Variants in SHPRH observed in about 807,000 individuals in gnomAD.
SHPRH encodes the protein SNF2 histone linker PHD RING helicase, also known as E3 ubiquitin-protein ligase SHPRH.
SHPRH carries 106 observed loss-of-function variants against 202.5 expected under a neutral mutation model. The ratio of observed to expected loss-of-function variants is 0.52; its 90% CI spans 0.45 to 0.62. SHPRH has a LOEUF of 0.62. SHPRH is among the 20% of genes least tolerant of loss of function. The probability of loss-of-function intolerance (pLI) is 0.00; values close to 1 mark genes in which losing one functional copy is unlikely to be tolerated. For synonymous variants in SHPRH, 729 were observed against 686.0 expected (o/e 1.06, Z -0.98); for missense variants, 1,710 against 2,020.0 (o/e 0.85, Z 2.94).
chr6:145,886,984 T>C (rs2243665), intron 29 of SHPRH, among the ~76,000 whole-genome samples, 197 bp from the exon 30 acceptor site: 3 of 151,988 alleles, frequency 2.0e-5, no homozygotes, highest in African/African-American at 7.2e-5. Context: ...TTACTTTTAG[T>C]GTTTGTCAAA....
intron 3 of SHPRH, among the ~76,000 whole-genome samples, chr6:145,950,743 A>G (rs1015786838): frequency 1.3e-5 from 2 of 151,962 alleles, no homozygotes; most frequent in African/African-American, 4.8e-5. Context: ...CTGTGGATAC[A>G]GTATTATTAC....
At chr6:145,920,716 A>C (rs1317836139) in intron 21 of SHPRH, among the ~76,000 whole-genome samples, 2 of 152,106 alleles carry the variant, frequency 1.3e-5, no homozygotes, top group Non-Finnish European at 2.9e-5. Context: ...TCATTAAAGT[A>C]CAAATATGAA....
At chr6:145,926,814 T>C (rs9497430) in intron 15 of SHPRH, among the ~76,000 whole-genome samples, 12,179 of 151,980 alleles carry the variant, frequency 0.08, 1,619 homozygotes, top group African/African-American at 0.27. Context: ...AAATTATCAT[T>C]AGATAGATTT....
chr6:145,941,717 T>C lies in SHPRH; in HGVS notation c.2396A>G (p.Lys799Arg). 6.2e-7 allele frequency: 1 copy of C among 1,614,040 alleles called. No homozygotes were observed. The highest frequency in any genetic ancestry group is 8.5e-7 in the Non-Finnish European group (1 of 1,179,968). ...GGGGCTCGGGATAGCCATATAGCGC[T>C]TCTGGTTCCGTAGGCGACGCCCATC... is the stretch of plus-strand genomic sequence containing the variant. ...SEDGRRLRNQ[K>R]RYMAIPSPLV... The change falls in exon 10 of 30, where the codon AAG (lysine) becomes AGG (arginine). Residue 799 changes from lysine to arginine, a missense_variant. This residue lies in a region of SHPRH where 277 missense variants were observed against 363.0 expected (regional missense o/e 0.76). Transcript: ENST00000275233.
chr6:145,926,717 G>T (rs1784912092), intron 15 of SHPRH, among the ~76,000 whole-genome samples: 1 of 151,796 alleles, frequency 6.6e-6, no homozygotes. Context: ...AGAGAGCCTT[G>T]TCTATATGAG....
chr6:145,917,942 A>C (rs1458213192), intron 23 of SHPRH, 189 bp downstream of exon 23: 1 of 427,164 alleles, frequency 2.3e-6, no homozygotes, highest in African/African-American at 2.1e-5. Flanking sequence ...TCATCTGCAT[A>C]ATAAATTTCT....
chr6:145,945,722 G>A (rs1032750138), intron 7 of SHPRH, 85 bp from the exon 8 acceptor site: 2 of 1,354,076 alleles, frequency 1.5e-6, no homozygotes, highest in East Asian at 5.0e-5. Flanking sequence ...TCTGCATGAG[G>A]ACTGAGTTAA....
chr6:145,869,369 G>A (rs906284289), intron 2 of SHPRH, among the ~76,000 whole-genome samples: 1 of 152,188 alleles, frequency 6.6e-6, no homozygotes, highest in Non-Finnish European at 1.5e-5. Flanking sequence ...TATCAATTCT[G>A]TTTTGGATTG....
At chr6:145,889,319 A>C (rs1195416873) in intron 28 of SHPRH, among the ~76,000 whole-genome samples, 2 of 152,178 alleles carry the variant, frequency 1.3e-5, no homozygotes, top group East Asian at 3.9e-4. Flanking sequence ...GAGAAAATCA[A>C]CCAGACAGGT....
At chr6:145,868,669 A>G (rs751226243) in intron 2 of SHPRH, among the ~76,000 whole-genome samples, 3 of 152,198 alleles carry the variant, frequency 2.0e-5, no homozygotes, top group Non-Finnish European at 2.9e-5. Flanking sequence ...ACTGTTTTTT[A>G]TACTTCATCC....
chr6:145,867,627 T>TAGAGAGAG (rs1296301891), intron 2 of SHPRH, among the ~76,000 whole-genome samples: 83 of 53,780 alleles, frequency 1.5e-3, no homozygotes, highest in Non-Finnish European at 1.9e-3. Context: ...TATATATATA[T>TAGAGAGAG]ATATAGAGAG....
Position 145,955,002 on chromosome 6 carries a change from A to C in SHPRH, c.321T>G (p.His107Gln), listed in dbSNP as rs759270663. The change falls in exon 2 of 30, where the codon CAT becomes CAG. Residue 107 changes from histidine to glutamine, a missense_variant. Around this residue, in one of 8 missense-constraint regions of SHPRH, gnomAD observed 459 missense variants for 426.5 expected, o/e 1.08. Transcript: ENST00000275233. ...GAAATGCTTTCCAGGAATTATCAAA[A>C]TGATAGGGAGAAATCACAATATTTA... ...VKLNIVISPY[H>Q]FDNSWKAFLG... The C allele has an allele frequency of 4.3e-6, 7 of 1,613,602 alleles. No individual in the cohort carries two copies. The East Asian group carries it at 1.6e-4, about 36-fold the overall frequency.
chr6:145,950,068 T>G (rs1202107753), intron 4 of SHPRH, among the ~76,000 whole-genome samples, 196 bp downstream of exon 4: 1 of 152,134 alleles, frequency 6.6e-6, no homozygotes, highest in Non-Finnish European at 1.5e-5. Flanking sequence ...GTACAAACTT[T>G]TATGAATGAA....
At chr6:145,903,405 T>C (rs1044268558) in intron 25 of SHPRH, 3 of 143,970 alleles carry the variant, frequency 2.1e-5, no homozygotes, top group African/African-American at 7.6e-5. Context: ...TAGGCTTCTC[T>C]GTGAGTTGGA....
At chr6:145,922,509 T>C (rs1193819969) in intron 19 of SHPRH, among the ~76,000 whole-genome samples, 154 bp downstream of exon 19, 1 of 152,010 alleles carries the variant, frequency 6.6e-6, no homozygotes, top group East Asian at 1.9e-4. Flanking sequence ...CTTGAGACTT[T>C]ATTTTTCTTT....
chr6:145,892,869 A>G lies in SHPRH; in HGVS notation c.4874+346T>C, dbSNP rs74768013. ...AGACAATCAAAACTCCATTCTCCTC[A>G]AAGGCATGATGGATGCCTTCAACTT... On this transcript the variant is annotated intron_variant, in intron 28 of 29. Coordinates refer to ENST00000275233, the MANE Select transcript of SHPRH (RefSeq NM_001042683.3). Among the ~76,000 whole-genome samples the G allele has an allele frequency of 6.5e-4, 99 of 152,100 alleles. 1 individual carries two copies. In the East Asian group the frequency reaches 8.3e-3, roughly 13 times the overall value.
chr6:145,874,986 T>C (rs1780237651), intron 2 of SHPRH, among the ~76,000 whole-genome samples: 1 of 152,172 alleles, frequency 6.6e-6, no homozygotes, highest in African/African-American at 2.4e-5. Flanking sequence ...GCATCCCAAA[T>C]CCCAAAATCC....
intron 21 of SHPRH, among the ~76,000 whole-genome samples, chr6:145,920,337 G>C (rs1181983928): frequency 6.6e-6 from 1 of 152,074 alleles, no homozygotes; most frequent in East Asian, 1.9e-4. Flanking sequence ...AACATCATAA[G>C]TAACACTTCT....
intron 2 of SHPRH, chr6:145,877,659 TAAG>T (rs1488284683): frequency 6.6e-6 from 1 of 152,224 alleles, no homozygotes; most frequent in African/African-American, 2.4e-5. Context: ...GATAATCAAC[TAAG>T]AGCTAGGCAT....
Sources: allele counts gnomAD v4.1 joint callset (sites outside exome capture counted in the v4.1 genomes callset), GRCh38; gene constraint gnomAD v4.1.1; regional missense constraint gnomAD v4.1.1; transcripts MANE v1.5; gene names NCBI Gene and HGNC (gene_info 2026-07-23, HGNC 2026-07-21).